The following ZNF407 variants were observed in gnomAD, a reference collection of about 807,000 sequenced individuals.
ZNF407 encodes the protein zinc finger protein 407.
Under a neutral mutation model 131.2 loss-of-function variants are expected in ZNF407, and 17 were observed. The ratio of observed to expected loss-of-function variants is 0.13; its 90% CI spans 0.09 to 0.19. ZNF407 has a LOEUF of 0.19. Among genes scored for constraint, ZNF407 ranks in the 10% least tolerant of loss-of-function variants. The pLI is 1.00. For missense variants in ZNF407, 2,681 were observed against 2,830.6 expected, an observed-to-expected ratio of 0.95 and a Z score of 1.20; for synonymous variants, 1,156 against 1,062.0, an observed-to-expected ratio of 1.09 and a Z score of -1.72.
chr18:74,835,232 C>G (rs189849328), intron 4 of ZNF407, among the ~76,000 whole-genome samples: 15 of 152,310 alleles, frequency 9.8e-5, no homozygotes, highest in African/African-American at 3.1e-4. Context: ...TCTGACCACA[C>G]CATCGGAGTG....
chr18:74,850,366 C>G lies in ZNF407; in HGVS notation c.4878-26831C>G, dbSNP rs561256545. Among the ~76,000 whole-genome samples, 6 of 152,248 alleles carry G rather than the reference C, an allele frequency of 3.9e-5. No homozygotes were observed. The East Asian group carries it at 1.2e-3, about 29-fold the overall frequency. Reference sequence around the variant, plus strand: ...AAAAACTTGAGATGGGTCACTTCTTCAGCTTTAGTATATAGCTCTTAATTG... The same window carrying G: ...AAAAACTTGAGATGGGTCACTTCTTGAGCTTTAGTATATAGCTCTTAATTG... On this transcript the variant is annotated intron_variant, in intron 4 of 8. Transcript: ENST00000299687.
intron 8 of ZNF407, among the ~76,000 whole-genome samples, chr18:74,996,801 A>G (rs979881109): frequency 2.0e-5 from 3 of 152,240 alleles, no homozygotes; most frequent in African/African-American, 4.8e-5. Context: ...TTTACTAACC[A>G]ATGAATTGAA....
In ZNF407 at chr18:74,798,749, G is replaced by C. The variant is rs545515788; in HGVS notation, c.4877+17247G>C. On this transcript the variant is annotated intron_variant, in intron 4 of 8. Coordinates refer to ENST00000299687, the MANE Select transcript of ZNF407 (RefSeq NM_017757.3). ...GGAAAAACAGTCTTTATTATTTTAG[G>C]CCTATGGGCTCATTTTGTAACTAGG... Among the ~76,000 whole-genome samples the C allele has an allele frequency of 4.7e-3, 716 of 152,116 alleles. 3 individuals carry two copies. Among genetic ancestry groups the C allele is most frequent in the South Asian group, 0.012 (57 of 4,808 alleles).
chr18:74,732,071 G>C (rs1037516769), intron 3 of ZNF407, among the ~76,000 whole-genome samples: 2 of 152,150 alleles, frequency 1.3e-5, no homozygotes, highest in African/African-American at 4.8e-5. Flanking sequence ...AGTTATATCA[G>C]AACATTTTAA....
At chr18:74,903,670 A>G (rs556371987) in intron 7 of ZNF407, among the ~76,000 whole-genome samples, 6 of 152,348 alleles carry the variant, frequency 3.9e-5, no homozygotes, top group African/African-American at 1.4e-4. Flanking sequence ...GGGAATAAAT[A>G]TGTAGCGATG....
Position 74,899,647 on chromosome 18 carries a change from G to A in ZNF407, c.5249+9609G>A, listed in dbSNP as rs548397389. On this transcript the variant is annotated intron_variant, in intron 7 of 8. Coordinates refer to ENST00000299687, the MANE Select transcript of ZNF407 (RefSeq NM_017757.3). ...TGGAAAATGTGAAAAAGTGAAACAAGAAGAGAGGCAAATAGCCTGTATGGG... is the reference window on the plus strand; with the variant it reads ...TGGAAAATGTGAAAAAGTGAAACAAAAAGAGAGGCAAATAGCCTGTATGGG... 2.0e-5 allele frequency among the ~76,000 whole-genome samples: 3 copies of A among 152,334 alleles called. No homozygotes were observed. In the East Asian group the frequency reaches 5.8e-4, roughly 29 times the overall value.
intron 3 of ZNF407, among the ~76,000 whole-genome samples, chr18:74,693,380 T>C (rs1967276150): frequency 6.6e-6 from 1 of 152,356 alleles, no homozygotes; most frequent in South Asian, 2.1e-4. Context: ...AAACGTTTTC[T>C]AATTTTTGTA....
chr18:74,835,679 G>A (rs1312790395), intron 4 of ZNF407, among the ~76,000 whole-genome samples: 2 of 150,094 alleles, frequency 1.3e-5, no homozygotes, highest in Non-Finnish European at 3.0e-5. Context: ...AATGGAGAGG[G>A]AAAATGTGTC....
In ZNF407 at chr18:75,014,103, T is replaced by C. The variant is rs560832843; in HGVS notation, c.5429-49047T>C. 1.9e-3 allele frequency among the ~76,000 whole-genome samples: 293 copies of C among 152,250 alleles called. 3 individuals carry two copies. Among genetic ancestry groups the C allele is most frequent in the African/African-American group, 6.8e-3 (282 of 41,564 alleles). ...GCTTGGTCCCAGCTTATTGAGGATGTACTAGGGGTTAAAAACAGTGTGAAC... is the reference window on the plus strand; with the variant it reads ...GCTTGGTCCCAGCTTATTGAGGATGCACTAGGGGTTAAAAACAGTGTGAAC... On this transcript the variant is annotated intron_variant, in intron 8 of 8. Transcript: ENST00000299687.
chr18:74,980,557 T>C (rs959145328), intron 8 of ZNF407, among the ~76,000 whole-genome samples: 11 of 152,132 alleles, frequency 7.2e-5, no homozygotes, highest in Admixed American at 2.6e-4. Context: ...TCCACCCGCC[T>C]CGGCCTCCTA....
intron 8 of ZNF407, among the ~76,000 whole-genome samples, chr18:75,059,863 C>T (rs1166698014): frequency 1.3e-5 from 2 of 152,224 alleles, no homozygotes; most frequent in Non-Finnish European, 2.9e-5. Context: ...CACGCCCACC[C>T]TCATTTCAGC....
intron 8 of ZNF407, among the ~76,000 whole-genome samples, chr18:75,001,348 A>C (rs1261489660): frequency 6.6e-6 from 1 of 152,192 alleles, no homozygotes; most frequent in African/African-American, 2.4e-5. Context: ...TGAAAACCTT[A>C]AGGTTTTATT....
chr18:74,654,066 C>T (rs780473370), intron 3 of ZNF407, among the ~76,000 whole-genome samples: 27 of 151,780 alleles, frequency 1.8e-4, no homozygotes, highest in Non-Finnish European at 1.2e-4. Context: ...CATTGACAAT[C>T]GTAGGTCTTG....
intron 3 of ZNF407, among the ~76,000 whole-genome samples, chr18:74,764,964 G>A (rs1425456255): frequency 1.3e-5 from 2 of 152,190 alleles, no homozygotes; most frequent in Admixed American, 1.3e-4. Flanking sequence ...GTAGGCTGAG[G>A]AGAAGGAAAG....
chr18:74,755,771 T>TTCTTTCTTTCTTTCTTTCTTTCTC (rs1265035731), intron 3 of ZNF407, among the ~76,000 whole-genome samples: 49 of 130,560 alleles, frequency 3.8e-4, no homozygotes, highest in East Asian at 1.3e-3. Flanking sequence ...CTTTCTTTCT[T>TTCTTTCTTTCTTTCTTTCTTTCTC]TCTCTCTCTC....
At chr18:74,906,813 ATGTC>A (rs1386034156) in intron 7 of ZNF407, among the ~76,000 whole-genome samples, 7 of 152,152 alleles carry the variant, frequency 4.6e-5, no homozygotes, top group Admixed American at 1.3e-4. Flanking sequence ...ATGTGCTTGT[ATGTC>A]TGTATGTGCA....
chr18:74,861,661 G>A (rs961501979), intron 4 of ZNF407, among the ~76,000 whole-genome samples: 4 of 152,132 alleles, frequency 2.6e-5, no homozygotes, highest in African/African-American at 7.2e-5. Flanking sequence ...TATCGATAAC[G>A]ATTGAATAAT....
chr18:74,760,065 C>T (rs932647283), intron 3 of ZNF407, among the ~76,000 whole-genome samples: 1 of 151,612 alleles, frequency 6.6e-6, no homozygotes, highest in African/African-American at 2.4e-5. Context: ...AAATCAGATC[C>T]CTTCCTCCTC....
At chr18:74,891,021 C>T (rs902315168) in intron 7 of ZNF407, among the ~76,000 whole-genome samples, 2 of 152,138 alleles carry the variant, frequency 1.3e-5, no homozygotes, top group South Asian at 2.1e-4. Context: ...TACCTAGTGG[C>T]GGCAGCGAAG....
Sources: allele counts gnomAD v4.1 joint callset (sites outside exome capture counted in the v4.1 genomes callset), GRCh38; gene constraint gnomAD v4.1.1; transcripts MANE v1.5; gene names NCBI Gene and HGNC (gene_info 2026-07-23, HGNC 2026-07-21).